ARHGEF28: variants seen among roughly 807,000 people sequenced by gnomAD.
ARHGEF28 encodes the protein 190 kDa guanine nucleotide exchange factor.
ARHGEF28 carries 152 observed loss-of-function variants against 206.6 expected under a neutral mutation model. The ratio of observed to expected loss-of-function variants is 0.74; its 90% CI spans 0.64 to 0.84. The LOEUF is 0.84. Among genes scored for constraint, ARHGEF28 ranks in the 40% least tolerant of loss-of-function variants. The probability of loss-of-function intolerance (pLI) is 0.00; values close to 1 mark genes in which losing one functional copy is unlikely to be tolerated. For missense variants in ARHGEF28, 2,028 were observed against 2,073.2 expected (o/e 0.98, Z 0.42); for synonymous variants, 763 against 776.4 (o/e 0.98, Z 0.29).
intron 2 of ARHGEF28, among the ~76,000 whole-genome samples, chr5:73,708,225 G>A (rs902841845): frequency 3.3e-5 from 5 of 151,332 alleles, no homozygotes; most frequent in Admixed American, 2.0e-4. Flanking sequence ...TTAGGTTCAC[G>A]GGTTATATAT....
At chr5:73,643,544 G>T (rs139957645) in intron 1 of ARHGEF28, among the ~76,000 whole-genome samples, 2 of 152,106 alleles carry the variant, frequency 1.3e-5, no homozygotes, top group East Asian at 3.9e-4. Context: ...GCTGGGCATG[G>T]TGGCTCACGC....
intron 1 of ARHGEF28, among the ~76,000 whole-genome samples, chr5:73,671,209 T>G (rs1478202912): frequency 6.6e-6 from 1 of 152,124 alleles, no homozygotes; most frequent in East Asian, 1.9e-4. Context: ...AGAGTTACCC[T>G]CCCTCATCAA....
chr5:73,755,845 T>A (rs1237958146), intron 4 of ARHGEF28, among the ~76,000 whole-genome samples: 1 of 152,234 alleles, frequency 6.6e-6, no homozygotes, highest in African/African-American at 2.4e-5. Flanking sequence ...TTAGCTGTCA[T>A]GGCCTTTGAT....
In ARHGEF28 at chr5:73,752,893, CTG is replaced by C; in HGVS notation, c.182-14_182-13del. ...CTACAGACTTGGGGTGAACTGTTCA[CTG>C]TCTTGTTGTCCAGGCCATGGGCTTC... On this transcript the variant is annotated splice_polypyrimidine_tract_variant and intron_variant, in intron 3 of 35. Transcript: ENST00000513042. 6.2e-7 allele frequency: 1 copy of C among 1,613,280 alleles called. No individual in the cohort carries two copies. Among genetic ancestry groups the C allele is most frequent in the Non-Finnish European group, 8.5e-7 (1 of 1,179,654 alleles).
At chr5:73,884,632 A>G (rs1475441033) in intron 24 of ARHGEF28, among the ~76,000 whole-genome samples, 5 of 152,192 alleles carry the variant, frequency 3.3e-5, no homozygotes, top group Non-Finnish European at 5.9e-5. Flanking sequence ...CTTGTGTTGC[A>G]TTGTATATAC....
intron 4 of ARHGEF28, among the ~76,000 whole-genome samples, chr5:73,764,806 T>A (rs1464617899): frequency 6.6e-6 from 1 of 152,144 alleles, no homozygotes. Context: ...CAACCTCAGA[T>A]CTCCTGTTTA....
chr5:73,824,954 A>G (rs1214878918), intron 9 of ARHGEF28, among the ~76,000 whole-genome samples: 1 of 152,212 alleles, frequency 6.6e-6, no homozygotes, highest in Non-Finnish European at 1.5e-5. Context: ...AGGAGAGCCT[A>G]TCACAAGAAA....
In ARHGEF28 at chr5:73,822,323, G is replaced by T. The variant is rs1561430667; in HGVS notation, c.1025-10015G>T. Among the ~76,000 whole-genome samples, 3 of 152,174 alleles carry T rather than the reference G, an allele frequency of 2.0e-5. No individual in the cohort carries two copies. The East Asian group carries it at 5.8e-4, about 29-fold the overall frequency. ...TTTCTTTCTAAAGGATCCCAGGAAG[G>T]TTAGGTAAGTTATGAGGGTGAATTG... On this transcript the variant is annotated intron_variant, in intron 9 of 35. Transcript: ENST00000513042.
chr5:73,715,398 G>A (rs182175731), intron 2 of ARHGEF28, among the ~76,000 whole-genome samples: 153 of 152,260 alleles, frequency 1.0e-3, no homozygotes, highest in Middle Eastern at 3.4e-3. Flanking sequence ...CAAGAGTTGA[G>A]CCTAGGTCAT....
chr5:73,683,270 T>A (rs1418755666), intron 1 of ARHGEF28, among the ~76,000 whole-genome samples: 2 of 152,206 alleles, frequency 1.3e-5, no homozygotes, highest in Non-Finnish European at 2.9e-5. Flanking sequence ...TTCACATTGC[T>A]GTGAGACCAT....
rs1266365441 is a variant in ARHGEF28 at position 73,840,549 on chromosome 5, G to C, written c.1216G>C (p.Gly406Arg). The C allele has an allele frequency of 5.0e-6, 8 of 1,613,796 alleles. No homozygotes were observed. In the Admixed American group the frequency reaches 1.3e-4, roughly 27 times the overall value. Residue 406 changes from glycine to arginine, a missense_variant, in exon 11 of 36, where the codon GGT becomes CGT. Gly to Arg is a moderately radical substitution (Grantham distance 125, BLOSUM62 -2). This residue lies in a region of ARHGEF28 where 1,002 missense variants were observed against 1,015.3 expected (regional missense o/e 0.99). Coordinates refer to ENST00000513042, the MANE Select transcript of ARHGEF28 (RefSeq NM_001177693.2). ...ITATTSPESR[G>R]CTLWPQSSKH... ...TGCCACTACCAGCCCTGAATCCAGA[G>C]GTTGCACTCTGTGGCCTCAGAGCAG...
intron 28 of ARHGEF28, 91 bp downstream of exon 28, chr5:73,893,379 A>G (rs1479274842): frequency 1.9e-6 from 2 of 1,041,454 alleles, no homozygotes; most frequent in South Asian, 5.3e-5. Flanking sequence ...TTATAACTAC[A>G]TGATTCATCC....
Position 73,641,025 on chromosome 5 carries a change from G to A in ARHGEF28, c.-12+14703G>A, listed in dbSNP as rs559015494. Among the ~76,000 whole-genome samples, 276 of 152,298 alleles carry A rather than the reference G, an allele frequency of 1.8e-3. 3 individuals carry two copies. Among genetic ancestry groups the A allele is most frequent in the African/African-American group, 6.3e-3 (263 of 41,556 alleles). ...AATTAGGGGAAGAAAGCCTCAAAGA[G>A]GCTGTTGTGTAGAAGGAGGGACTAA... On this transcript the variant is annotated intron_variant, in intron 1 of 35. Transcript: ENST00000513042.
chr5:73,852,750 C>A, intron 14 of ARHGEF28, 58 bp downstream of exon 14: 3 of 1,550,914 alleles, frequency 1.9e-6, no homozygotes, highest in Non-Finnish European at 1.8e-6. Context: ...TTGGAAATGT[C>A]CACACATCAT....
chr5:73,775,023 T>A (rs751182934), intron 5 of ARHGEF28, among the ~76,000 whole-genome samples: 6 of 152,230 alleles, frequency 3.9e-5, no homozygotes, highest in Admixed American at 3.9e-4. Context: ...GGTTTATTTT[T>A]GTTTCTCATT....
At chr5:73,646,380 C>T (rs781098924) in intron 1 of ARHGEF28, among the ~76,000 whole-genome samples, 2 of 152,188 alleles carry the variant, frequency 1.3e-5, no homozygotes, top group Non-Finnish European at 2.9e-5. Context: ...GAGTAGGATC[C>T]TCAGTACCTC....
intron 2 of ARHGEF28, among the ~76,000 whole-genome samples, chr5:73,723,434 C>T (rs1026157204): frequency 6.6e-6 from 1 of 152,206 alleles, no homozygotes; most frequent in Non-Finnish European, 1.5e-5. Flanking sequence ...GATCTACCCT[C>T]CTTGGCCTCC....
chr5:73,744,129 T>C (rs890418743), intron 2 of ARHGEF28, among the ~76,000 whole-genome samples: 2 of 152,168 alleles, frequency 1.3e-5, no homozygotes, highest in African/African-American at 4.8e-5. Flanking sequence ...TACACATAGA[T>C]AATATGTATA....
intron 7 of ARHGEF28, among the ~76,000 whole-genome samples, chr5:73,790,362 G>GA (rs34618231): frequency 0.05 from 7,597 of 151,354 alleles, 302 homozygotes; most frequent in Non-Finnish European, 0.069. Flanking sequence ...TAATTTAAAT[G>GA]AAAAAAAACC....
Sources: gnomAD v4.1 joint callset for allele counts (sites outside exome capture counted in the v4.1 genomes callset) on GRCh38, gnomAD v4.1.1 for gene constraint, gnomAD v4.1.1 regional missense constraint, MANE v1.5 for transcripts, NCBI Gene and HGNC (gene_info 2026-07-23, HGNC 2026-07-21) for gene names.